Variants in MIPEP observed in about 807,000 individuals in gnomAD.
The protein encoded by MIPEP is mitochondrial intermediate peptidase.
A neutral mutation model predicts 90.3 loss-of-function variants in MIPEP; 79 were observed. The ratio of observed to expected loss-of-function variants is 0.87; its 90% CI spans 0.73 to 1.05. The LOEUF is 1.05. MIPEP is among the 50% of genes least tolerant of loss of function. MIPEP has a pLI of 0.00. For synonymous variants in MIPEP, 334 were observed against 315.8 expected (o/e 1.06, Z -0.61); for missense variants, 940 against 905.6 (o/e 1.04, Z -0.49).
At chr13:23,862,276 T>C (rs1870341879) in intron 9 of MIPEP, 26 bp downstream of exon 9, 2 of 1,356,040 alleles carry the variant, frequency 1.5e-6, no homozygotes, top group East Asian at 2.4e-5. Flanking sequence ...GTCTATATTA[T>C]AATAAAAATA....
chr13:23,868,542 A>C (rs376435942), intron 7 of MIPEP, among the ~76,000 whole-genome samples: 5 of 152,048 alleles, frequency 3.3e-5, no homozygotes, highest in East Asian at 1.9e-4. Flanking sequence ...CCAGATGTAC[A>C]ACCAGAAACC....
intron 5 of MIPEP, among the ~76,000 whole-genome samples, chr13:23,873,575 T>C (rs1232346641): frequency 6.6e-6 from 1 of 152,178 alleles, no homozygotes; most frequent in African/African-American, 2.4e-5. Flanking sequence ...AAATACTCAG[T>C]TGATGTTAAA....
At chr13:23,753,658 T>C (rs1479229125) in intron 18 of MIPEP, among the ~76,000 whole-genome samples, 1 of 152,184 alleles carries the variant, frequency 6.6e-6, no homozygotes, top group African/African-American at 2.4e-5. Flanking sequence ...AAAAAGAAAG[T>C]AGAGGAATCC....
At chr13:23,843,012 G>A (rs1473288706) in intron 10 of MIPEP, among the ~76,000 whole-genome samples, 1 of 147,510 alleles carries the variant, frequency 6.8e-6, no homozygotes, top group Non-Finnish European at 1.5e-5. Context: ...GCAGAGAATT[G>A]CTTGAACCCA....
intron 18 of MIPEP, among the ~76,000 whole-genome samples, chr13:23,742,088 C>T (rs1462305486): frequency 6.6e-6 from 1 of 152,200 alleles, no homozygotes. Context: ...GTTCCACCAA[C>T]AGCCTCAGGG....
At chr13:23,744,982 A>T (rs1353351528) in intron 18 of MIPEP, among the ~76,000 whole-genome samples, 1 of 152,242 alleles carries the variant, frequency 6.6e-6, no homozygotes, top group Non-Finnish European at 1.5e-5. Context: ...AGTTTTATTT[A>T]AACTGCTAGA....
At position 23,886,415 on chromosome 13, in the gene MIPEP, C is replaced by G; in HGVS notation, c.281G>C (p.Arg94Pro). ...GGGCCCAGGTGGGGTGGAACATGCA[C>G]GGTCCACAAGCAATTCTGTCTTTCT... ...ALRKTELLVD[R>P]ACSTPPGPQT... Residue 94 changes from arginine (R) to proline (P), a missense_variant, in exon 2 of 19, where the codon CGT becomes CCT. Coordinates refer to ENST00000382172, the MANE Select transcript of MIPEP (RefSeq NM_005932.4). The G allele has an allele frequency of 6.2e-7, 1 of 1,608,396 alleles. No individual in the cohort carries two copies. The highest frequency in any genetic ancestry group is 8.5e-7 in the Non-Finnish European group (1 of 1,177,024).
chr13:23,765,697 G>A (rs989483238), intron 16 of MIPEP, among the ~76,000 whole-genome samples: 1 of 152,168 alleles, frequency 6.6e-6, no homozygotes, highest in Non-Finnish European at 1.5e-5. Context: ...ACGGGAACTC[G>A]ACAGCAATCT....
chr13:23,846,172 T>C (rs1869528689), intron 10 of MIPEP, among the ~76,000 whole-genome samples: 1 of 152,184 alleles, frequency 6.6e-6, no homozygotes, highest in African/African-American at 2.4e-5. Flanking sequence ...TTGTTACATA[T>C]AGATATAGAT....
chr13:23,732,086 C>T lies in MIPEP; in HGVS notation c.2045-1641G>A, dbSNP rs141931847. On this transcript the variant is annotated intron_variant, in intron 18 of 18. Transcript: ENST00000382172. ...CTCACTGCAGCCTCGACTTCCCAGGCTGAAGTGATCCTCCCGTCTCAGCTT... is the reference window on the plus strand; with the variant it reads ...CTCACTGCAGCCTCGACTTCCCAGGTTGAAGTGATCCTCCCGTCTCAGCTT... Among the ~76,000 whole-genome samples, 901 of 149,744 alleles carry T rather than the reference C, an allele frequency of 6.0e-3. 11 individuals are homozygous for T. The highest frequency in any genetic ancestry group is 0.021 in the African/African-American group (864 of 40,740).
At chr13:23,824,561 G>C (rs900375846) in intron 14 of MIPEP, among the ~76,000 whole-genome samples, 2 of 152,234 alleles carry the variant, frequency 1.3e-5, no homozygotes, top group South Asian at 2.1e-4. Context: ...CTGCCAAGCA[G>C]CAGCTCTGAT....
Position 23,869,351 on chromosome 13 carries a change from A to G in MIPEP, c.884T>C (p.Leu295Ser). 1 of 1,613,376 alleles carries G rather than the reference A, an allele frequency of 6.2e-7. No homozygotes were observed. The highest frequency in any genetic ancestry group is 2.2e-5 in the East Asian group (1 of 44,844). Residue 295 changes from leucine to serine, a missense_variant, in exon 7 of 19, where the codon TTG (leucine) becomes TCG (serine). Transcript: ENST00000382172. Reference protein sequence around the residue: ...LLSSRDLLAKLVGYSTFSHRA... With the variant: ...LLSSRDLLAKSVGYSTFSHRA... The stretch of plus-strand genomic sequence containing the variant: ...GTGAGAAAACGTGGAATACCCCACC[A>G]ACTTTGCCAGAAGATCTCTGCTGCT...
At chr13:23,831,385 G>GCGGGGGGGC (rs57512059) in intron 14 of MIPEP, among the ~76,000 whole-genome samples, 5 of 132,580 alleles carry the variant, frequency 3.8e-5, no homozygotes, top group African/African-American at 1.4e-4. Context: ...CCCCATGGCG[G>GCGGGGGGGC]GGGGGGGATG....
intron 10 of MIPEP, among the ~76,000 whole-genome samples, chr13:23,852,068 G>A (rs922700603): frequency 3.3e-5 from 5 of 152,154 alleles, no homozygotes; most frequent in Non-Finnish European, 7.4e-5. Flanking sequence ...CAAATGGCCT[G>A]GTCTCTTCAA....
chr13:23,842,043 G>A lies in MIPEP; in HGVS notation c.1107-555C>T, dbSNP rs555931192. ...TTAGATATCTTAAATTAAAGACAAC[G>A]TAACTAGTAAGGTGAATTATTCTTC... is the stretch of plus-strand genomic sequence containing the variant. On this transcript the variant is annotated intron_variant, in intron 10 of 18. Transcript: ENST00000382172. 7.2e-5 allele frequency among the ~76,000 whole-genome samples: 11 copies of A among 152,134 alleles called. No individual in the cohort carries two copies. In the South Asian group the frequency reaches 1.0e-3, roughly 14 times the overall value.
rs558479591 is a variant in MIPEP, at chr13:23,889,239, C to T, written c.82G>A (p.Glu28Lys). The change falls in exon 1 of 19, where the codon GAA becomes AAA. Residue 28 changes from glutamate (E) to lysine (K), a missense_variant. By Grantham distance (56) the Glu-to-Lys change is moderately conservative (BLOSUM62 1). Transcript: ENST00000382172. The part of the protein sequence containing the change: ...PPRRAGRGSL[E>K]AGIRARRVST... ...ACCCTTCGGGCCCGGATCCCGGCTT[C>T]GAGGCTTCCCCGGCCCGCCCGGCGG... 7.1e-6 allele frequency: 10 copies of T among 1,403,836 alleles called. No individual in the cohort carries two copies. The highest frequency in any genetic ancestry group is 2.3e-4 in the Middle Eastern group (1 of 4,342). The allele number at this position is 1,403,836 out of a possible 1,614,324, so 87.0% of individuals were successfully genotyped here. A position where few individuals can be genotyped will look rare whatever the true frequency, so the allele number is the denominator to read the frequency against.
intron 11 of MIPEP, among the ~76,000 whole-genome samples, chr13:23,841,080 T>TATATATATATATTTGTG (rs1200448894): frequency 6.6e-6 from 1 of 152,234 alleles, no homozygotes; most frequent in Non-Finnish European, 1.5e-5. Flanking sequence ...TGTGGATATA[T>TATATATATATATTTGTG]GAAGGTGCAT....
intron 2 of MIPEP, among the ~76,000 whole-genome samples, chr13:23,884,322 A>G (rs1196355089): frequency 2.6e-5 from 4 of 152,238 alleles, no homozygotes; most frequent in Admixed American, 2.6e-4. Flanking sequence ...TAAAATTCAT[A>G]GAACTGTACC....
At chr13:23,813,056 TTGAAA>T (rs1953192467) in intron 14 of MIPEP, among the ~76,000 whole-genome samples, 2 of 152,350 alleles carry the variant, frequency 1.3e-5, no homozygotes, top group Admixed American at 1.3e-4. Flanking sequence ...AGTGTATTAA[TTGAAA>T]TGAAGTTATA....
Sources: gnomAD v4.1 joint callset for allele counts (sites outside exome capture counted in the v4.1 genomes callset) on GRCh38, gnomAD v4.1.1 for gene constraint, MANE v1.5 for transcripts, NCBI Gene and HGNC (gene_info 2026-07-23, HGNC 2026-07-21) for gene names.